FRMD4B: variants seen among roughly 807,000 people sequenced by gnomAD.
The protein encoded by FRMD4B is FERM domain containing 4B.
In FRMD4B, 74 loss-of-function variants were observed where a neutral mutation model predicts 141.5. The observed-to-expected ratio is 0.52, with a 90% confidence interval of 0.43 to 0.63. FRMD4B has a LOEUF of 0.63. FRMD4B is among the 30% of genes least tolerant of loss of function. The pLI is 0.00. For synonymous variants in FRMD4B, 506 were observed against 467.9 expected (o/e 1.08, Z -1.05); for missense variants, 1,366 against 1,253.4 (o/e 1.09, Z -1.36).
chr3:69,331,426 T>C (rs566272139), intron 1 of FRMD4B, among the ~76,000 whole-genome samples: 2 of 152,340 alleles, frequency 1.3e-5, no homozygotes, highest in African/African-American at 4.8e-5. Context: ...CTGGTGACTT[T>C]AGGCAAGTCA....
intron 1 of FRMD4B, among the ~76,000 whole-genome samples, chr3:69,520,508 C>A (rs1226720374): frequency 2.0e-5 from 3 of 151,458 alleles, no homozygotes; most frequent in Non-Finnish European, 4.4e-5. Flanking sequence ...TTCTGGGCTA[C>A]TCCCTGCCTC....
intron 1 of FRMD4B, among the ~76,000 whole-genome samples, chr3:69,517,640 T>C (rs938495857): frequency 1.3e-5 from 2 of 152,134 alleles, no homozygotes; most frequent in African/African-American, 2.4e-5. Flanking sequence ...TCCAGGGACA[T>C]GCTGTGAAAA....
At chr3:69,466,459 T>A (rs1391544360) in intron 1 of FRMD4B, among the ~76,000 whole-genome samples, 1 of 152,214 alleles carries the variant, frequency 6.6e-6, no homozygotes, top group Non-Finnish European at 1.5e-5. Flanking sequence ...AAACAGTCCT[T>A]ATCTTTTGAG....
intron 1 of FRMD4B, among the ~76,000 whole-genome samples, chr3:69,373,571 T>C (rs565425819): frequency 6.6e-6 from 1 of 152,266 alleles, no homozygotes; most frequent in African/African-American, 2.4e-5. Context: ...TAGAGAAATG[T>C]TTATTAAATA....
rs1302808174 is a variant in FRMD4B at position 69,256,902 on chromosome 3, A to C, written c.502-6803T>G. The stretch of plus-strand genomic sequence containing the variant: ...TATGGGGGATGGTCTCAGTGATATA[A>C]TGCCCATTCATTCTTCTAGATCAGG... On this transcript the variant is annotated intron_variant, in intron 5 of 22. Transcript: ENST00000398540. Among the ~76,000 whole-genome samples, 5 of 152,180 alleles carry C rather than the reference A, an allele frequency of 3.3e-5. 1 individual carries two copies. The highest frequency in any genetic ancestry group is 2.0e-4 in the Admixed American group (3 of 15,274).
intron 1 of FRMD4B, among the ~76,000 whole-genome samples, chr3:69,382,727 CTTTT>C (rs5849898): frequency 0.012 from 1,563 of 133,116 alleles, 26 homozygotes; most frequent in African/African-American, 0.04. Context: ...TAAACTGGGA[CTTTT>C]TTTTTTTTTT....
intron 5 of FRMD4B, among the ~76,000 whole-genome samples, chr3:69,283,681 T>C (rs2093654492): frequency 6.6e-6 from 1 of 152,134 alleles, no homozygotes. Context: ...TGTCTCCACA[T>C]AGGAGAGGAT....
At chr3:69,257,603 T>G (rs1176228734) in intron 5 of FRMD4B, among the ~76,000 whole-genome samples, 1 of 152,228 alleles carries the variant, frequency 6.6e-6, no homozygotes, top group Non-Finnish European at 1.5e-5. Flanking sequence ...TCTACCTTTA[T>G]TTTCTTATTT....
chr3:69,524,459 T>C (rs1700903280), intron 1 of FRMD4B, among the ~76,000 whole-genome samples: 1 of 152,252 alleles, frequency 6.6e-6, no homozygotes, highest in African/African-American at 2.4e-5. Context: ...GTTGAGGCTT[T>C]ATATCAGTTA....
chr3:69,355,892 G>T (rs1379162908), intron 1 of FRMD4B, among the ~76,000 whole-genome samples: 1 of 152,126 alleles, frequency 6.6e-6, no homozygotes. Flanking sequence ...AGGTGTGGTG[G>T]CCGGCACCTG....
Position 69,189,412 on chromosome 3 carries a change from T to C in FRMD4B, c.1771+484A>G, listed in dbSNP as rs1246168093. Among the ~76,000 whole-genome samples the C allele has an allele frequency of 5.9e-5, 9 of 152,126 alleles. No homozygotes were observed. The East Asian group carries it at 1.7e-3, about 29-fold the overall frequency. On this transcript the variant is annotated intron_variant, in intron 18 of 22. Coordinates refer to ENST00000398540, the MANE Select transcript of FRMD4B (RefSeq NM_015123.3). ...CTAGAATATGAAAGTTTATTTCACA[T>C]TGTAAAACATACAATGATTTTATTT...
chr3:69,295,717 A>G (rs1575702599), intron 4 of FRMD4B, among the ~76,000 whole-genome samples: 1 of 152,224 alleles, frequency 6.6e-6, no homozygotes, highest in East Asian at 1.9e-4. Context: ...CCTGGTCCTC[A>G]GTGTCAATAG....
At chr3:69,517,179 A>T (rs531630264) in intron 1 of FRMD4B, among the ~76,000 whole-genome samples, 87 of 152,266 alleles carry the variant, frequency 5.7e-4, no homozygotes, top group South Asian at 4.1e-3. Flanking sequence ...AAACATTTTT[A>T]AAAAATCCAT....
intron 11 of FRMD4B, among the ~76,000 whole-genome samples, chr3:69,208,201 T>G (rs1229690546): frequency 6.6e-6 from 1 of 152,074 alleles, no homozygotes; most frequent in Non-Finnish European, 1.5e-5. Flanking sequence ...GTAGCTGAGA[T>G]TACAGGCACC....
intron 3 of FRMD4B, among the ~76,000 whole-genome samples, chr3:69,308,425 C>T (rs1297035548): frequency 7.0e-6 from 1 of 143,724 alleles, no homozygotes; most frequent in Admixed American, 7.4e-5. Flanking sequence ...TCTCTGTACT[C>T]TCATCACACT....
chr3:69,367,030 G>A (rs1316551025), intron 1 of FRMD4B, among the ~76,000 whole-genome samples: 1 of 152,134 alleles, frequency 6.6e-6, no homozygotes, highest in Non-Finnish European at 1.5e-5. Flanking sequence ...ACCTCCCAAA[G>A]TGTTGGGTTT....
intron 1 of FRMD4B, chr3:69,377,244 C>A (rs1703995457): frequency 6.6e-6 from 1 of 152,172 alleles, no homozygotes; most frequent in African/African-American, 2.4e-5. Flanking sequence ...TAAATGGACT[C>A]ATTTCATTTA....
intron 1 of FRMD4B, among the ~76,000 whole-genome samples, chr3:69,448,052 C>CA (rs1705436496): frequency 6.7e-6 from 1 of 148,790 alleles, no homozygotes; most frequent in South Asian, 2.1e-4. Context: ...TTTTTTCAGA[C>CA]AGAGTCTCAC....
At chr3:69,189,082 A>G (rs1303871818) in intron 18 of FRMD4B, among the ~76,000 whole-genome samples, 2 of 151,290 alleles carry the variant, frequency 1.3e-5, no homozygotes, top group Admixed American at 6.6e-5. Context: ...ATTAGCCAGG[A>G]GTGGTGCCCA....
Sources: allele counts gnomAD v4.1 joint callset (sites outside exome capture counted in the v4.1 genomes callset), GRCh38; gene constraint gnomAD v4.1.1; transcripts MANE v1.5; gene names NCBI Gene and HGNC (gene_info 2026-07-23, HGNC 2026-07-21).